NSD1: variants seen among roughly 807,000 people sequenced by gnomAD.
NSD1 encodes histone-lysine N-methyltransferase, H3 lysine-36 specific.
In NSD1, 26 loss-of-function variants were observed where a neutral mutation model predicts 242.7. The ratio of observed to expected loss-of-function variants is 0.11; its 90% CI spans 0.08 to 0.15. The LOEUF (loss-of-function observed/expected upper bound fraction) is 0.15, where lower values mean the gene tolerates loss of function less well. Among genes scored for constraint, NSD1 ranks in the 10% least tolerant of loss-of-function variants. The pLI, the probability that NSD1 is intolerant of heterozygous loss-of-function variation, is 1.00. For synonymous variants in NSD1, 1,106 were observed against 1,178.1 expected (o/e 0.94, Z 1.25); for missense variants, 2,495 against 3,272.8 (o/e 0.76, Z 5.80).
chr5:177,257,494 G>A (rs575668869), intron 13 of NSD1, among the ~76,000 whole-genome samples: 30 of 152,244 alleles, frequency 2.0e-4, no homozygotes, highest in African/African-American at 7.0e-4. Context: ...GCCTCCCAAA[G>A]TGCTGGGATT....
At chr5:177,204,470 C>A (rs1762733488) in intron 4 of NSD1, among the ~76,000 whole-genome samples, 178 bp downstream of exon 4, 1 of 152,142 alleles carries the variant, frequency 6.6e-6, no homozygotes, top group South Asian at 2.1e-4. Flanking sequence ...TCTCGTGCTT[C>A]AGCCTCTTGA....
Position 177,300,071 on chromosome 5 carries a change from G to A in NSD1, c.*4612G>A, listed in dbSNP as rs867075292. The A allele has an allele frequency of 3.2e-3, 252 of 78,656 alleles. 3 individuals carry two copies. The highest frequency in any genetic ancestry group is 0.02 in the African/African-American group (224 of 11,480). 4.9% of individuals were successfully genotyped at this position (78,656 alleles called of 1,614,324 possible). A position where few individuals can be genotyped will look rare whatever the true frequency, so the allele number is the denominator to read the frequency against. Reference sequence around the variant, plus strand: ...TTTTTTGCCGCGCCCCCCCCCCCCCGCCCCCATAGATTGTCAGCTGTAAGT... The same window carrying A: ...TTTTTTGCCGCGCCCCCCCCCCCCCACCCCCATAGATTGTCAGCTGTAAGT... On this transcript the variant is annotated 3_prime_UTR_variant, in exon 23 of 23. Transcript: ENST00000439151.
chr5:177,269,939 T>TA lies in NSD1; in HGVS notation c.5509+133dup. On this transcript the variant is annotated intron_variant, in intron 16 of 22. Coordinates refer to ENST00000439151, the MANE Select transcript of NSD1 (RefSeq NM_022455.5). This position sits in a 1 kb window ranked among gnomAD's most constrained non-coding sequence, Gnocchi z 5.1. The stretch of plus-strand genomic sequence containing the variant: ...TCTCAGGGCATTATCTGGCTGCAAA[T>TA]ACAGTATTTTGCAAGGAAGTTGACC... 1.4e-6 allele frequency: 1 copy of TA among 723,432 alleles called. No individual in the cohort carries two copies. Among genetic ancestry groups the TA allele is most frequent in the Non-Finnish European group, 2.3e-6 (1 of 444,116 alleles). The allele number at this position is 723,432 out of a possible 1,614,324, so 44.8% of individuals were successfully genotyped here.
intron 2 of NSD1, among the ~76,000 whole-genome samples, chr5:177,141,036 G>C (rs1336377808): frequency 6.6e-6 from 1 of 151,876 alleles, no homozygotes; most frequent in Non-Finnish European, 1.5e-5. Flanking sequence ...TTTTGTTTTT[G>C]TTTTGAGACA....
intron 5 of NSD1, among the ~76,000 whole-genome samples, chr5:177,219,789 C>G (rs951200401): frequency 2.6e-5 from 4 of 152,060 alleles, no homozygotes; most frequent in Non-Finnish European, 4.4e-5. Context: ...TGGCAAAACC[C>G]CATCTCCACT....
At chr5:177,141,307 A>C (rs1756791538) in intron 2 of NSD1, among the ~76,000 whole-genome samples, 2 of 117,906 alleles carry the variant, frequency 1.7e-5, no homozygotes, top group Admixed American at 1.0e-4. Context: ...GGCGTGAGCC[A>C]CCGCGCGCAG....
rs1346773128 is a variant in NSD1 at position 177,248,240 on chromosome 5, A to G, written c.4557A>G (p.Val1519=). ...CCAAGGAGACTGTTGAGGAAGGTGTAGAACACGATCCCGGGATGCCTGCCT... is the reference window on the plus strand; with the variant it reads ...CCAAGGAGACTGTTGAGGAAGGTGTGGAACACGATCCCGGGATGCCTGCCT... The part of the protein sequence containing the change: ...TSPKETVEEG[V]EHDPGMPASK... The change falls in exon 11 of 23, where the codon GTA becomes GTG. Residue 1519 remains valine (V), a synonymous_variant. Coordinates refer to ENST00000439151, the MANE Select transcript of NSD1 (RefSeq NM_022455.5). 1.2e-6 allele frequency: 2 copies of G among 1,614,080 alleles called. No homozygotes were observed. Among genetic ancestry groups the G allele is most frequent in the Non-Finnish European group, 1.7e-6 (2 of 1,180,026 alleles).
chr5:177,235,238 T>C (rs78264352), intron 5 of NSD1, among the ~76,000 whole-genome samples: 2,778 of 152,350 alleles, frequency 0.018, 33 homozygotes, highest in Non-Finnish European at 0.028. Context: ...ACACAAACTT[T>C]GTATAATGTA....
chr5:177,295,591 C>T lies in NSD1; in HGVS notation c.*132C>T, dbSNP rs1470013181. The T allele has an allele frequency of 2.2e-6, 2 of 929,714 alleles. No individual in the cohort carries two copies. The highest frequency in any genetic ancestry group is 2.6e-5 in the East Asian group (1 of 38,136). The allele number at this position is 929,714 out of a possible 1,614,324, so 57.6% of individuals were successfully genotyped here. On this transcript the variant is annotated 3_prime_UTR_variant, in exon 23 of 23. Transcript: ENST00000439151. The surrounding 1 kb of genome is among the most constrained non-coding windows in gnomAD (Gnocchi z 4.3). ...CACTTTCCCACTGTTATTCTTTCCTCATATCCCAACACTCAGAACTCTTGT... is the reference window on the plus strand; with the variant it reads ...CACTTTCCCACTGTTATTCTTTCCTTATATCCCAACACTCAGAACTCTTGT...
At chr5:177,246,581 A>G (rs1281865697) in intron 9 of NSD1, 97 bp from the exon 10 acceptor site, 11 of 826,210 alleles carry the variant, frequency 1.3e-5, no homozygotes, top group Non-Finnish European at 2.4e-5. Flanking sequence ...GGAGAATTAA[A>G]TGAGTTTTAA....
rs1253972089 is a variant in NSD1, at chr5:177,295,353, G to T, written c.7985G>T (p.Cys2662Phe). 3.7e-6 allele frequency: 6 copies of T among 1,614,222 alleles called. No homozygotes were observed. Among genetic ancestry groups the T allele is most frequent in the Non-Finnish European group, 5.1e-6 (6 of 1,180,048 alleles). The change falls in exon 23 of 23, where the codon TGC (cysteine) becomes TTC (phenylalanine). Residue 2662 changes from cysteine to phenylalanine, a missense_variant. Transcript: ENST00000439151. The surrounding 1 kb of genome is among the most constrained non-coding windows in gnomAD (Gnocchi z 4.3). ...AGSTQTLAQT[C>F]WSLGRGQDPK... ...AGCACACAGACATTGGCACAGACTT[G>T]CTGGTCTCTTGGAAGAGGGCAAGAC...
chr5:177,280,287 T>C (rs928977893), intron 17 of NSD1, among the ~76,000 whole-genome samples: 2 of 151,394 alleles, frequency 1.3e-5, no homozygotes, highest in South Asian at 4.2e-4. Flanking sequence ...CGTATTTTAT[T>C]TTTTTGAGAT....
chr5:177,135,922 A>C lies in NSD1; in HGVS notation c.819A>C (p.Ser273=). ...TTACAATAGAAGAGCAATTAAACTCAATAAATTTATCTTTTCAGGATGATC... is the reference window on the plus strand; with the variant it reads ...TTACAATAGAAGAGCAATTAAACTCCATAAATTTATCTTTTCAGGATGATC... The part of the protein sequence containing the change: ...TNITIEEQLN[S]INLSFQDDPD... The change falls in exon 2 of 23, where the codon TCA becomes TCC. Residue 273 remains serine (S), a synonymous_variant. Transcript: ENST00000439151. 1 of 1,613,342 alleles carries C rather than the reference A, an allele frequency of 6.2e-7. No individual in the cohort carries two copies. The highest frequency in any genetic ancestry group is 8.5e-7 in the Non-Finnish European group (1 of 1,179,320).
chr5:177,266,536 G>A, intron 14 of NSD1: 2 of 663,742 alleles, frequency 3.0e-6, no homozygotes, highest in Non-Finnish European at 5.1e-6. Context: ...GCTGCTTTCC[G>A]CCTGGCCACA....
In NSD1 at chr5:177,135,073, C is replaced by T; in HGVS notation, c.-17-14C>T. The stretch of plus-strand genomic sequence containing the variant: ...CTATTAACTCAGATTAATTGCTGTG[C>T]TTTTGGATTCCAGGTTGATGCCGGC... On this transcript the variant is annotated splice_polypyrimidine_tract_variant and intron_variant, in intron 1 of 22. Coordinates refer to ENST00000439151, the MANE Select transcript of NSD1 (RefSeq NM_022455.5). 1 of 1,610,206 alleles carries T rather than the reference C, an allele frequency of 6.2e-7. No homozygotes were observed. Among genetic ancestry groups the T allele is most frequent in the Non-Finnish European group, 8.5e-7 (1 of 1,176,440 alleles).
At chr5:177,188,570 G>A (rs943006603) in intron 2 of NSD1, among the ~76,000 whole-genome samples, 6 of 152,042 alleles carry the variant, frequency 3.9e-5, no homozygotes, top group African/African-American at 1.4e-4. Context: ...TTTTTTTAAG[G>A]TCATCATTAT....
intron 13 of NSD1, among the ~76,000 whole-genome samples, chr5:177,257,817 T>TTTTTATTTTATTTTA (rs10616203): frequency 6.1e-4 from 85 of 139,732 alleles, no homozygotes; most frequent in African/African-American, 2.1e-3. Context: ...CTGGGCTTTT[T>TTTTTATTTTATTTTA]TTTTATTTTA....
intron 2 of NSD1, among the ~76,000 whole-genome samples, chr5:177,158,961 T>TAC (rs1232923230): frequency 2.7e-4 from 39 of 142,254 alleles, no homozygotes; most frequent in African/African-American, 9.7e-4. Flanking sequence ...CATATATATA[T>TAC]ACACACACAT....
At chr5:177,183,920 T>G (rs1315554824) in intron 2 of NSD1, among the ~76,000 whole-genome samples, 2 of 152,226 alleles carry the variant, frequency 1.3e-5, no homozygotes, top group Non-Finnish European at 2.9e-5. Flanking sequence ...TTATTTCATC[T>G]AACATAATGA....
Sources: gnomAD v4.1 joint callset for allele counts (sites outside exome capture counted in the v4.1 genomes callset) on GRCh38, gnomAD v4.1.1 for gene constraint, Gnocchi (gnomAD v3.1) non-coding constraint, MANE v1.5 for transcripts, NCBI Gene and HGNC (gene_info 2026-07-23, HGNC 2026-07-21) for gene names.